Variants in LAMA3 observed in about 807,000 individuals in gnomAD.
LAMA3 encodes the protein laminin subunit alpha 3.
In LAMA3, 281 loss-of-function variants were observed where a neutral mutation model predicts 402.0. The ratio of observed to expected loss-of-function variants is 0.70; its 90% CI spans 0.63 to 0.77. The LOEUF (loss-of-function observed/expected upper bound fraction) is 0.77. LAMA3 is among the 30% of genes least tolerant of loss of function. The probability of loss-of-function intolerance (pLI) is 0.00; values close to 1 mark genes in which losing one functional copy is unlikely to be tolerated. For synonymous variants in LAMA3, 1,431 were observed against 1,558.4 expected (o/e 0.92, Z 1.93); for missense variants, 3,840 against 4,215.5 (o/e 0.91, Z 2.47).
chr18:23,891,838 A>G (rs1451963344), intron 42 of LAMA3, among the ~76,000 whole-genome samples: 2 of 152,202 alleles, frequency 1.3e-5, no homozygotes, highest in Non-Finnish European at 2.9e-5. Flanking sequence ...GCCGGGGTCC[A>G]TGGCACACTG....
chr18:23,903,065 T>G lies in LAMA3; in HGVS notation c.6258T>G (p.Thr2086=). The G allele has an allele frequency of 1.2e-6, 2 of 1,613,530 alleles. No individual in the cohort carries two copies. The highest frequency in any genetic ancestry group is 1.7e-6 in the Non-Finnish European group (2 of 1,179,562). The change falls in exon 49 of 75, where the codon ACT becomes ACG. Residue 2086 remains threonine (T), a synonymous_variant. Transcript: ENST00000313654. Reference sequence around the variant, plus strand: ...GTGATTTCACCAAGTATCTAACCACTGCAGACTCATCTTTGTTGCAAACCA... The same window carrying G: ...GTGATTTCACCAAGTATCTAACCACGGCAGACTCATCTTTGTTGCAAACCA... The part of the protein sequence containing the change: ...LQSDFTKYLT[T]ADSSLLQTNI...
In LAMA3 at chr18:23,879,819, T is replaced by A. The variant is rs979198754; in HGVS notation, c.5113-2117T>A. 6.6e-6 allele frequency among the ~76,000 whole-genome samples: 1 copy of A among 152,202 alleles called. No individual in the cohort carries two copies. Among genetic ancestry groups the A allele is most frequent in the African/African-American group, 2.4e-5 (1 of 41,462 alleles). On this transcript the variant is annotated intron_variant, in intron 39 of 74. Coordinates refer to ENST00000313654, the MANE Select transcript of LAMA3 (RefSeq NM_198129.4). This position sits in a 1 kb window ranked among gnomAD's most constrained non-coding sequence, Gnocchi z 4.2. ...TGTCAAGCAACACGGGTTTTGACAC[T>A]CTTCCTTGATCCTCTCCTCTCACCC...
chr18:23,767,466 A>G (rs543071848), intron 8 of LAMA3, among the ~76,000 whole-genome samples: 5 of 152,288 alleles, frequency 3.3e-5, no homozygotes, highest in Middle Eastern at 3.4e-3. Context: ...TTCAAACTAT[A>G]CAGAATACAG....
chr18:23,765,154 T>C (rs1026384913), intron 8 of LAMA3, among the ~76,000 whole-genome samples: 1 of 152,234 alleles, frequency 6.6e-6, no homozygotes, highest in Non-Finnish European at 1.5e-5. Context: ...TGGTCCCATG[T>C]GGTCTGGCTA....
In LAMA3 at chr18:23,847,449, T is replaced by G; in HGVS notation, c.3932-15T>G. 6.2e-7 allele frequency: 1 copy of G among 1,608,138 alleles called. No individual in the cohort carries two copies. The highest frequency in any genetic ancestry group is 8.5e-7 in the Non-Finnish European group (1 of 1,179,966). ...CCTTTGACCCTCACATGGTATTTCT[T>G]TATCCCCTGGCCAGCGTGCAGCTGT... On this transcript the variant is annotated splice_polypyrimidine_tract_variant and intron_variant, in intron 31 of 74. Coordinates refer to ENST00000313654, the MANE Select transcript of LAMA3 (RefSeq NM_198129.4).
chr18:23,727,575 C>A (rs564534548), intron 2 of LAMA3, among the ~76,000 whole-genome samples: 2 of 152,288 alleles, frequency 1.3e-5, no homozygotes, highest in African/African-American at 4.8e-5. Flanking sequence ...ATCTGCCTGC[C>A]TCGGCCTCCC....
At chr18:23,794,180 C>G (rs1430037174) in intron 12 of LAMA3, among the ~76,000 whole-genome samples, 1 of 152,206 alleles carries the variant, frequency 6.6e-6, no homozygotes, top group African/African-American at 2.4e-5. Context: ...ATTCCTTCCT[C>G]CAGGGTATAG....
chr18:23,828,877 C>A (rs1231832095), intron 23 of LAMA3, among the ~76,000 whole-genome samples: 1 of 152,112 alleles, frequency 6.6e-6, no homozygotes, highest in Non-Finnish European at 1.5e-5. Context: ...GTCTTTTCTG[C>A]CAGTTTTTGT....
At chr18:23,775,188 C>T (rs1329486057) in intron 9 of LAMA3, among the ~76,000 whole-genome samples, 2 of 152,180 alleles carry the variant, frequency 1.3e-5, no homozygotes, top group Admixed American at 6.5e-5. Context: ...AGTGGGAGGT[C>T]GACAATCTTC....
intron 1 of LAMA3, among the ~76,000 whole-genome samples, chr18:23,696,658 G>A (rs1158628381): frequency 1.3e-5 from 2 of 152,072 alleles, no homozygotes; most frequent in African/African-American, 2.4e-5. Context: ...GTGTGAACAC[G>A]CCCGGCTAAT....
chr18:23,894,157 C>T lies in LAMA3; in HGVS notation c.5411-141C>T, dbSNP rs548760809. 9 of 699,870 alleles carry T rather than the reference C, an allele frequency of 1.3e-5. No homozygotes were observed. In the East Asian group the frequency reaches 1.4e-4, roughly 11 times the overall value. The allele number at this position is 699,870 out of a possible 1,614,324, so 43.4% of individuals were successfully genotyped here. A position where few individuals can be genotyped will look rare whatever the true frequency, so the allele number is the denominator to read the frequency against. ...AAAGTAATTGTGGGTTTTGCCATTA[C>T]TTAAAATGGTGAAAACCACAATTAC... On this transcript the variant is annotated intron_variant, in intron 42 of 74. Coordinates refer to ENST00000313654, the MANE Select transcript of LAMA3 (RefSeq NM_198129.4).
intron 21 of LAMA3, among the ~76,000 whole-genome samples, chr18:23,825,666 T>C (rs912283243): frequency 3.2e-4 from 48 of 152,058 alleles, no homozygotes; most frequent in African/African-American, 1.1e-3. Context: ...AAAAAAAAGT[T>C]CAAGAATGTT....
intron 12 of LAMA3, among the ~76,000 whole-genome samples, chr18:23,805,588 A>G (rs989127163): frequency 6.6e-6 from 1 of 152,176 alleles, no homozygotes; most frequent in Non-Finnish European, 1.5e-5. Flanking sequence ...GGCTGAGTTC[A>G]GGAACCCACT....
chr18:23,924,972 G>A (rs571152866), intron 62 of LAMA3, among the ~76,000 whole-genome samples: 104 of 152,336 alleles, frequency 6.8e-4, no homozygotes, highest in African/African-American at 2.2e-3. Context: ...TGTTCTGGGT[G>A]TTGCCTCATC....
intron 32 of LAMA3, among the ~76,000 whole-genome samples, chr18:23,856,073 A>T (rs1282818735): frequency 6.6e-6 from 1 of 152,212 alleles, no homozygotes; most frequent in South Asian, 2.1e-4. Context: ...TGTGAAGTAG[A>T]TATTGTTACC....
intron 15 of LAMA3, among the ~76,000 whole-genome samples, chr18:23,814,962 C>T (rs2063147279): frequency 6.6e-6 from 1 of 152,176 alleles, no homozygotes; most frequent in African/African-American, 2.4e-5. Context: ...ATGAAGTAGC[C>T]ATGAACTAGC....
intron 2 of LAMA3, among the ~76,000 whole-genome samples, chr18:23,720,819 A>G (rs749630679): frequency 2.0e-5 from 3 of 152,180 alleles, no homozygotes; most frequent in Non-Finnish European, 4.4e-5. Context: ...GAAGTAATTT[A>G]TACATTAGGA....
rs1016102835 is a variant in LAMA3 at position 23,912,619 on chromosome 18, G to T, written c.7159-92G>T. 8.8e-6 allele frequency: 9 copies of T among 1,026,980 alleles called. No individual in the cohort carries two copies. The African/African-American group carries it at 1.3e-4, about 14-fold the overall frequency. The allele number at this position is 1,026,980 out of a possible 1,614,324, so 63.6% of individuals were successfully genotyped here. On this transcript the variant is annotated intron_variant, in intron 55 of 74. Transcript: ENST00000313654. ...TTATCATAACAACTCAGGAAAGGCTGATACATGGCTACGAGTCACAAACTA... is the reference window on the plus strand; with the variant it reads ...TTATCATAACAACTCAGGAAAGGCTTATACATGGCTACGAGTCACAAACTA...
intron 6 of LAMA3, 69 bp downstream of exon 6, chr18:23,753,881 C>A: frequency 9.7e-7 from 1 of 1,027,082 alleles, no homozygotes; most frequent in Non-Finnish European, 1.5e-6. Context: ...TGGATGTTTG[C>A]ATCCCGTTAA....
Sources: gnomAD v4.1 joint callset for allele counts (sites outside exome capture counted in the v4.1 genomes callset) on GRCh38, gnomAD v4.1.1 for gene constraint, Gnocchi (gnomAD v3.1) non-coding constraint, MANE v1.5 for transcripts, NCBI Gene and HGNC (gene_info 2026-07-23, HGNC 2026-07-21) for gene names.